Variants in MYO1E observed in about 807,000 individuals in gnomAD.
MYO1E encodes the protein unconventional myosin-Ie.
In MYO1E, 68 loss-of-function variants were observed where a neutral mutation model predicts 151.1. That is an observed-to-expected ratio of 0.45 (90% CI 0.37 to 0.55). The LOEUF (loss-of-function observed/expected upper bound fraction) is 0.55, where lower values mean the gene tolerates loss of function less well. MYO1E is among the 20% of genes least tolerant of loss of function. MYO1E has a pLI of 0.00. For missense variants in MYO1E, 1,363 were observed against 1,389.3 expected, an observed-to-expected ratio of 0.98 and a Z score of 0.30; for synonymous variants, 601 against 501.7, an observed-to-expected ratio of 1.20 and a Z score of -2.64.
At chr15:59,194,081 G>T (rs1329088489) in intron 17 of MYO1E, among the ~76,000 whole-genome samples, 1 of 152,082 alleles carries the variant, frequency 6.6e-6, no homozygotes, top group Non-Finnish European at 1.5e-5. Context: ...GGCTGAGGCA[G>T]GAGAATCACT....
chr15:59,142,115 A>G (rs1347155480), intron 26 of MYO1E, among the ~76,000 whole-genome samples: 1 of 152,138 alleles, frequency 6.6e-6, no homozygotes, highest in Non-Finnish European at 1.5e-5. Context: ...CCAAAAAAAA[A>G]AAAATTTTTT....
chr15:59,366,797 ATT>A (rs1244268724), intron 1 of MYO1E, among the ~76,000 whole-genome samples: 1 of 152,066 alleles, frequency 6.6e-6, no homozygotes, highest in Non-Finnish European at 1.5e-5. Flanking sequence ...TCAAAACACA[ATT>A]TGTTTACCAC....
chr15:59,133,276 G>A lies in MYO1E; in HGVS notation c.*4104C>T, dbSNP rs2079354743. 1 of 152,274 alleles carries A rather than the reference G, an allele frequency of 6.6e-6. No individual in the cohort carries two copies. Among genetic ancestry groups the A allele is most frequent in the South Asian group, 2.1e-4 (1 of 4,830 alleles). The allele number at this position is 152,274 out of a possible 1,614,324, so 9.4% of individuals were successfully genotyped here. A position where few individuals can be genotyped will look rare whatever the true frequency, so the allele number is the denominator to read the frequency against. ...GGTCCCAGCTACTTGGGAGGCTGAGGTGGGAGGATCACCTGAGCCCTGGAG... is the reference window on the plus strand; with the variant it reads ...GGTCCCAGCTACTTGGGAGGCTGAGATGGGAGGATCACCTGAGCCCTGGAG... On this transcript the variant is annotated 3_prime_UTR_variant, in exon 28 of 28. Transcript: ENST00000288235.
At chr15:59,199,550 A>G (rs748978824) in intron 16 of MYO1E, among the ~76,000 whole-genome samples, 23 of 152,198 alleles carry the variant, frequency 1.5e-4, no homozygotes, top group Non-Finnish European at 2.8e-4. Context: ...AGACACGACA[A>G]TATCGAATTA....
chr15:59,364,660 G>C (rs1246534706), intron 1 of MYO1E, among the ~76,000 whole-genome samples: 1 of 152,146 alleles, frequency 6.6e-6, no homozygotes, highest in Non-Finnish European at 1.5e-5. Context: ...TATAATCCCA[G>C]CACTTTGGGA....
chr15:59,179,997 C>G (rs757102247), intron 18 of MYO1E, among the ~76,000 whole-genome samples: 5 of 152,240 alleles, frequency 3.3e-5, no homozygotes, highest in African/African-American at 4.8e-5. Flanking sequence ...CACGATTAGA[C>G]TGATTTATGA....
At chr15:59,255,108 T>G (rs1238045837) in intron 4 of MYO1E, among the ~76,000 whole-genome samples, 1 of 151,750 alleles carries the variant, frequency 6.6e-6, no homozygotes, top group Non-Finnish European at 1.5e-5. Flanking sequence ...CCTTTTTTTT[T>G]GGTTTGGTTT....
chr15:59,157,022 A>G (rs920684459), intron 25 of MYO1E, among the ~76,000 whole-genome samples: 1 of 152,002 alleles, frequency 6.6e-6, no homozygotes, highest in Non-Finnish European at 1.5e-5. Flanking sequence ...TAGGAGTTCA[A>G]GACCAGCCTG....
intron 1 of MYO1E, among the ~76,000 whole-genome samples, chr15:59,353,528 G>A (rs1337936527): frequency 1.3e-5 from 2 of 151,722 alleles, no homozygotes; most frequent in Non-Finnish European, 2.9e-5. Context: ...AGGCTGAGGC[G>A]GGTGGATTAC....
chr15:59,135,434 T>G lies in MYO1E; in HGVS notation c.*1946A>C, dbSNP rs1227239360. On this transcript the variant is annotated 3_prime_UTR_variant, in exon 28 of 28. Transcript: ENST00000288235. ...GGTGGCTGTGGGGACTCCAGCATGCTCCTCTGTCCCAGTTCTGGTGGTATC... is the reference window on the plus strand; with the variant it reads ...GGTGGCTGTGGGGACTCCAGCATGCGCCTCTGTCCCAGTTCTGGTGGTATC... 1 of 152,168 alleles carries G rather than the reference T, an allele frequency of 6.6e-6. No individual in the cohort carries two copies. The allele number at this position is 152,168 out of a possible 1,614,324, so 9.4% of individuals were successfully genotyped here.
At chr15:59,240,321 C>T (rs561869862) in intron 4 of MYO1E, among the ~76,000 whole-genome samples, 1 of 152,088 alleles carries the variant, frequency 6.6e-6, no homozygotes, top group Non-Finnish European at 1.5e-5. Context: ...AAATCAAAGT[C>T]ATAACAGACT....
At chr15:59,308,222 CAAAAAAA>C (rs1189618865) in intron 1 of MYO1E, among the ~76,000 whole-genome samples, 6 of 48,508 alleles carry the variant, frequency 1.2e-4, no homozygotes, top group African/African-American at 3.1e-4. Context: ...GACTCTGTCT[CAAAAAAA>C]AAAAAAAAAA....
intron 17 of MYO1E, 40 bp downstream of exon 17, chr15:59,195,421 A>G: frequency 6.5e-7 from 1 of 1,546,948 alleles, no homozygotes; most frequent in Non-Finnish European, 8.9e-7. Context: ...AGCAGAGGGA[A>G]AAAGGTCCCG....
chr15:59,335,592 G>A (rs2080723390), intron 1 of MYO1E, among the ~76,000 whole-genome samples: 1 of 152,124 alleles, frequency 6.6e-6, no homozygotes, highest in Non-Finnish European at 1.5e-5. Flanking sequence ...AAGAGACCCG[G>A]CCAGGCTTGC....
rs995384807 is a variant in MYO1E at position 59,372,851 on chromosome 15, G to A, written c.-351C>T. ...TCCTCTTTCTTCGGCCACTTAATCC[G>A]TACTCCTCTGGCTGAGTCTCGGCTC... On this transcript the variant is annotated 5_prime_UTR_variant, in exon 1 of 28. The change creates a new upstream start codon in the 5' untranslated region. Transcript: ENST00000288235. 2.5e-6 allele frequency: 1 copy of A among 393,484 alleles called. No homozygotes were observed. The allele number at this position is 393,484 out of a possible 1,614,324, so 24.4% of individuals were successfully genotyped here. A position where few individuals can be genotyped will look rare whatever the true frequency, so the allele number is the denominator to read the frequency against.
chr15:59,175,374 G>A (rs1487052206), intron 19 of MYO1E, among the ~76,000 whole-genome samples: 11 of 152,266 alleles, frequency 7.2e-5, no homozygotes, highest in Admixed American at 5.2e-4. Context: ...AAGTAAACAA[G>A]CCAATGTGGT....
Position 59,248,721 on chromosome 15 carries a change from G to T in MYO1E, c.332+7563C>A, listed in dbSNP as rs112414550. ...ACAGGAAAGTAAACAGCAGAGATGGGGGGTTTTCTCCAAGTAAAAAGACTG... is the reference window on the plus strand; with the variant it reads ...ACAGGAAAGTAAACAGCAGAGATGGTGGGTTTTCTCCAAGTAAAAAGACTG... On this transcript the variant is annotated intron_variant, in intron 4 of 27. Transcript: ENST00000288235. Among the ~76,000 whole-genome samples the T allele has an allele frequency of 5.0e-3, 763 of 152,150 alleles. 17 individuals carry two copies. The East Asian group carries it at 0.064, about 13-fold the overall frequency.
chr15:59,135,902 A>C lies in MYO1E; in HGVS notation c.*1478T>G, dbSNP rs1340207040. 1.3e-5 allele frequency: 2 copies of C among 152,184 alleles called. No homozygotes were observed. The highest frequency in any genetic ancestry group is 1.9e-4 in the East Asian group (1 of 5,190). The allele number at this position is 152,184 out of a possible 1,614,324, so 9.4% of individuals were successfully genotyped here. On this transcript the variant is annotated 3_prime_UTR_variant, in exon 28 of 28. Transcript: ENST00000288235. ...GGCATTACACTGATTCCAGCTTTTC[A>C]CTATTATGGCAAGAAAACATTGTTT...
chr15:59,164,404 G>C (rs1031028216), intron 22 of MYO1E, among the ~76,000 whole-genome samples: 1 of 152,194 alleles, frequency 6.6e-6, no homozygotes, highest in African/African-American at 2.4e-5. Flanking sequence ...ATTGACCATG[G>C]TAACATTTTA....
Sources: allele counts gnomAD v4.1 joint callset (sites outside exome capture counted in the v4.1 genomes callset), GRCh38; gene constraint gnomAD v4.1.1; transcripts MANE v1.5; gene names NCBI Gene and HGNC (gene_info 2026-07-23, HGNC 2026-07-21).